Variants in CLCN3 observed in about 807,000 individuals in gnomAD.
CLCN3 encodes the protein H(+)/Cl(-) exchange transporter 3.
A neutral mutation model predicts 83.4 loss-of-function variants in CLCN3; 16 were observed. The ratio of observed to expected loss-of-function variants is 0.19; its 90% CI spans 0.13 to 0.29. The LOEUF (loss-of-function observed/expected upper bound fraction) is 0.29. CLCN3 is among the 10% of genes least tolerant of loss of function. CLCN3 has a pLI of 1.00. For synonymous variants in CLCN3, 322 were observed against 346.2 expected, an observed-to-expected ratio of 0.93 and a Z score of 0.78; for missense variants, 544 against 1,006.0, an observed-to-expected ratio of 0.54 and a Z score of 6.21.
At chr4:169,705,505 C>T (rs1397934529) in intron 10 of CLCN3, among the ~76,000 whole-genome samples, 1 of 152,040 alleles carries the variant, frequency 6.6e-6, no homozygotes, top group Non-Finnish European at 1.5e-5. Flanking sequence ...AGTAATAACA[C>T]CTGGTGATCT....
At chr4:169,642,886 GAC>G (rs1730457714) in intron 2 of CLCN3, 1 of 152,106 alleles carries the variant, frequency 6.6e-6, no homozygotes, top group Non-Finnish European at 1.5e-5. Context: ...ATTCCACAAT[GAC>G]ACCATTATTA....
intron 2 of CLCN3, among the ~76,000 whole-genome samples, chr4:169,656,551 G>A (rs557967722): frequency 8.5e-5 from 13 of 152,310 alleles, no homozygotes; most frequent in African/African-American, 3.1e-4. Context: ...AGATTTGGGT[G>A]AGGATACAGA....
At chr4:169,661,387 T>C (rs1473088453) in intron 2 of CLCN3, among the ~76,000 whole-genome samples, 1 of 152,138 alleles carries the variant, frequency 6.6e-6, no homozygotes, top group Non-Finnish European at 1.5e-5. Flanking sequence ...TATAAGGAAG[T>C]AATAATGTTT....
At chr4:169,639,563 G>T (rs1730341888) in intron 2 of CLCN3, among the ~76,000 whole-genome samples, 1 of 152,176 alleles carries the variant, frequency 6.6e-6, no homozygotes, top group African/African-American at 2.4e-5. Context: ...TTATATATGT[G>T]AAACAGTGAA....
At chr4:169,706,792 C>G (rs1420581469) in intron 10 of CLCN3, 76 bp from the exon 11 acceptor site, 4 of 1,293,064 alleles carry the variant, frequency 3.1e-6, no homozygotes, top group Non-Finnish European at 3.2e-6. Flanking sequence ...TTTTAACTGC[C>G]TAGTGCAAAA....
At chr4:169,681,243 T>G (rs1470890757) in intron 3 of CLCN3, among the ~76,000 whole-genome samples, 1 of 152,158 alleles carries the variant, frequency 6.6e-6, no homozygotes, top group Non-Finnish European at 1.5e-5. Context: ...AGATGAAGTT[T>G]CGCCATGTTG....
chr4:169,703,894 A>T, intron 9 of CLCN3, 104 bp from the exon 10 acceptor site: 2 of 1,118,702 alleles, frequency 1.8e-6, no homozygotes, highest in Non-Finnish European at 2.6e-6. Flanking sequence ...TATTAATACA[A>T]TGTGAAAAGA....
chr4:169,660,446 G>T, intron 2 of CLCN3: 1 of 1,349,218 alleles, frequency 7.4e-7, no homozygotes, highest in South Asian at 2.1e-5. Flanking sequence ...TTACATAAAA[G>T]AGGTAATACT....
chr4:169,633,602 A>G (rs1392844693), intron 1 of CLCN3, among the ~76,000 whole-genome samples: 3 of 152,236 alleles, frequency 2.0e-5, no homozygotes, highest in Non-Finnish European at 2.9e-5. Context: ...ATTTTATAGC[A>G]GTGCTGTTCA....
chr4:169,679,726 C>G (rs1302127642), intron 2 of CLCN3, among the ~76,000 whole-genome samples: 2 of 152,124 alleles, frequency 1.3e-5, no homozygotes, highest in Admixed American at 1.3e-4. Flanking sequence ...CCATCTCCAC[C>G]AAAAAATACA....
At chr4:169,712,761 G>A (rs1054200030) in intron 11 of CLCN3, among the ~76,000 whole-genome samples, 6 of 152,182 alleles carry the variant, frequency 3.9e-5, no homozygotes, top group Non-Finnish European at 7.3e-5. Flanking sequence ...TTAAAATCCC[G>A]TATTCCAAAC....
At chr4:169,633,049 G>C (rs925431813) in intron 1 of CLCN3, among the ~76,000 whole-genome samples, 2 of 152,244 alleles carry the variant, frequency 1.3e-5, no homozygotes, top group East Asian at 3.9e-4. Flanking sequence ...GTCTCACTCT[G>C]TTTCCCAGGC....
rs191425110 is a variant in CLCN3, at chr4:169,711,570, G to A, written c.2150-1509G>A. 2.3e-3 allele frequency among the ~76,000 whole-genome samples: 344 copies of A among 152,170 alleles called. 5 individuals carry two copies. Among genetic ancestry groups the A allele is most frequent in the Admixed American group, 0.018 (282 of 15,288 alleles). On this transcript the variant is annotated intron_variant, in intron 11 of 12. Coordinates refer to ENST00000513761, the MANE Select transcript of CLCN3 (RefSeq NM_001829.4). Reference sequence around the variant, plus strand: ...TCACCATGTTGGCCAGGCTGGTCTCGAACTCCTGACCTCAGTTGATCTGCC... The same window carrying A: ...TCACCATGTTGGCCAGGCTGGTCTCAAACTCCTGACCTCAGTTGATCTGCC...
At chr4:169,655,024 T>C (rs1730840993) in intron 2 of CLCN3, among the ~76,000 whole-genome samples, 1 of 152,242 alleles carries the variant, frequency 6.6e-6, no homozygotes, top group African/African-American at 2.4e-5. Context: ...CTTATGTTAT[T>C]AGGTTATATC....
At chr4:169,675,195 T>C (rs1416040858) in intron 2 of CLCN3, among the ~76,000 whole-genome samples, 1 of 152,254 alleles carries the variant, frequency 6.6e-6, no homozygotes, top group Non-Finnish European at 1.5e-5. Flanking sequence ...AAACCTACTC[T>C]ATAGTTTATT....
intron 2 of CLCN3, among the ~76,000 whole-genome samples, chr4:169,653,122 G>T (rs1323739732): frequency 6.6e-6 from 1 of 152,068 alleles, no homozygotes; most frequent in African/African-American, 2.4e-5. Flanking sequence ...AAGGCTTTTT[G>T]TGTCTTAATT....
rs1213310098 is a variant in CLCN3 at position 169,711,686 on chromosome 4, T to C, written c.2150-1393T>C. On this transcript the variant is annotated intron_variant, in intron 11 of 12. Coordinates refer to ENST00000513761, the MANE Select transcript of CLCN3 (RefSeq NM_001829.4). Reference sequence around the variant, plus strand: ...TTAAGGTGGTTGAGTAAGTACTAGTTGCTGGGGCTTTACTTAGTGCCCTCC... The same window carrying C: ...TTAAGGTGGTTGAGTAAGTACTAGTCGCTGGGGCTTTACTTAGTGCCCTCC... Among the ~76,000 whole-genome samples the C allele has an allele frequency of 2.0e-5, 3 of 152,228 alleles. 1 individual carries two copies. In the East Asian group the frequency reaches 5.8e-4, roughly 29 times the overall value.
intron 2 of CLCN3, among the ~76,000 whole-genome samples, chr4:169,636,855 A>G (rs1730216630): frequency 6.6e-6 from 1 of 151,890 alleles, no homozygotes; most frequent in Admixed American, 6.6e-5. Flanking sequence ...ACAGAATGGA[A>G]TGCTTAGATC....
Position 169,713,121 on chromosome 4 carries a change from G to T in CLCN3, c.2192G>T (p.Arg731Leu), listed in dbSNP as rs758786674. 12 of 1,613,952 alleles carry T rather than the reference G, an allele frequency of 7.4e-6. No homozygotes were observed. The highest frequency in any genetic ancestry group is 8.5e-7 in the Non-Finnish European group (1 of 1,180,006). The stretch of plus-strand genomic sequence containing the variant: ...CAAGAAGGTATCGTTGGCAGTTCTC[G>T]GGTGTGTTTTGCACAGCACACCCCA... Reference protein sequence around the residue: ...KKQEGIVGSSRVCFAQHTPSL... With the variant: ...KKQEGIVGSSLVCFAQHTPSL... Residue 731 changes from arginine (R) to leucine (L), a missense_variant, in exon 12 of 13, where the codon CGG (arginine) becomes CTG (leucine). Physicochemically the swap from Arg to Leu is moderately radical, Grantham distance 102. This residue lies in a region of CLCN3 where 142 missense variants were observed against 225.0 expected (regional missense o/e 0.63). Coordinates refer to ENST00000513761, the MANE Select transcript of CLCN3 (RefSeq NM_001829.4).
Sources: allele counts gnomAD v4.1 joint callset (sites outside exome capture counted in the v4.1 genomes callset), GRCh38; gene constraint gnomAD v4.1.1; regional missense constraint gnomAD v4.1.1; transcripts MANE v1.5; gene names NCBI Gene and HGNC (gene_info 2026-07-23, HGNC 2026-07-21).